Variants in AAR2 observed in about 807,000 individuals in gnomAD.
The protein encoded by AAR2 is AAR2 splicing factor.
Under a neutral mutation model 26.9 loss-of-function variants are expected in AAR2, and 31 were observed. That is an observed-to-expected ratio of 1.15 (90% confidence interval 0.86 to 1.55). The LOEUF (loss-of-function observed/expected upper bound fraction) is 1.55. Among genes scored for constraint, AAR2 ranks in the 40% most tolerant of loss-of-function variants. The pLI is 0.00. For missense variants in AAR2, 430 were observed against 491.3 expected, an observed-to-expected ratio of 0.88 and a Z score of 1.18; for synonymous variants, 188 against 196.1, an observed-to-expected ratio of 0.96 and a Z score of 0.34.
In AAR2 at chr20:36,244,734, G is replaced by T. The variant is rs2064716696; in HGVS notation, c.795G>T (p.Gly265=). 5 of 1,614,154 alleles carry T rather than the reference G, an allele frequency of 3.1e-6. No individual in the cohort carries two copies. The highest frequency in any genetic ancestry group is 2.2e-5 in the East Asian group (1 of 44,880). The change falls in exon 3 of 4, where the codon GGG becomes GGT. Residue 265 remains glycine, a synonymous_variant. Transcript: ENST00000320849. ...TTGCTTTTGTGTGCTTCCTGCTGGG[G>T]AATGTGTACGAGGCATTTGAGCATT... ...LQFAFVCFLL[G]NVYEAFEHWK...
Position 36,244,964 on chromosome 20 carries a change from G to A in AAR2, c.987+38G>A, listed in dbSNP as rs185526702. The A allele has an allele frequency of 1.6e-4, 250 of 1,559,458 alleles. 1 individual carries two copies. In the African/African-American group the frequency reaches 2.8e-3, roughly 18 times the overall value. Reference sequence around the variant, plus strand: ...TCTGACTGAGCTGATGCACATGTGGGTCAGAATTGAGGCAACAGTATGTGT... The same window carrying A: ...TCTGACTGAGCTGATGCACATGTGGATCAGAATTGAGGCAACAGTATGTGT... On this transcript the variant is annotated intron_variant, in intron 3 of 3. Coordinates refer to ENST00000320849, the MANE Select transcript of AAR2 (RefSeq NM_001271874.2).
At chr20:36,251,088 T>TA (rs1237368942) in intron 3 of AAR2, among the ~76,000 whole-genome samples, 1 of 151,942 alleles carries the variant, frequency 6.6e-6, no homozygotes, top group Non-Finnish European at 1.5e-5. Context: ...TCTCAACTAC[T>TA]GAGGAGGCCT....
chr20:36,239,748 A>T, intron 1 of AAR2, 73 bp from the exon 2 acceptor site: 1 of 1,193,594 alleles, frequency 8.4e-7, no homozygotes, highest in Non-Finnish European at 1.2e-6. Flanking sequence ...AATATCTGGC[A>T]CATACAGAAT....
At chr20:36,255,490 G>A in intron 3 of AAR2, 88 bp from the exon 4 acceptor site, 1 of 1,479,854 alleles carries the variant, frequency 6.8e-7, no homozygotes, top group Non-Finnish European at 9.3e-7. Flanking sequence ...CGCCCCAGAA[G>A]AGCCGAACAC....
At chr20:36,238,479 A>G (rs2064641630) in intron 1 of AAR2, among the ~76,000 whole-genome samples, 1 of 152,150 alleles carries the variant, frequency 6.6e-6, no homozygotes, top group Non-Finnish European at 1.5e-5. Flanking sequence ...AAACAGGGCC[A>G]GGCATGGTGG....
intron 3 of AAR2, among the ~76,000 whole-genome samples, chr20:36,248,257 C>T (rs1228814687): frequency 1.3e-5 from 2 of 152,052 alleles, no homozygotes; most frequent in Non-Finnish European, 2.9e-5. Flanking sequence ...AATATATTGT[C>T]TGCCTGACTC....
Position 36,256,060 on chromosome 20 carries a change from G to A in AAR2, c.*315G>A, listed in dbSNP as rs1345823139. On this transcript the variant is annotated 3_prime_UTR_variant, in exon 4 of 4. Transcript: ENST00000320849. ...CCTACACGGCAACCATATTTCCTCTGAATGAGAAGGAATTGAACCAAAAGT... is the reference window on the plus strand; with the variant it reads ...CCTACACGGCAACCATATTTCCTCTAAATGAGAAGGAATTGAACCAAAAGT... The A allele has an allele frequency of 2.3e-5, 6 of 257,154 alleles. No homozygotes were observed. The highest frequency in any genetic ancestry group is 4.4e-5 in the Non-Finnish European group (6 of 135,284). The allele number at this position is 257,154 out of a possible 1,614,324, so 15.9% of individuals were successfully genotyped here.
rs1259247471 is a variant in AAR2 at position 36,244,877 on chromosome 20, T to G, written c.938T>G (p.Phe313Cys). The G allele has an allele frequency of 6.2e-7, 1 of 1,614,068 alleles. No individual in the cohort carries two copies. Among genetic ancestry groups the G allele is most frequent in the African/African-American group, 1.3e-5 (1 of 74,922 alleles). Residue 313 changes from phenylalanine (F) to cysteine (C), a missense_variant, in exon 3 of 4, where the codon TTC becomes TGC. Coordinates refer to ENST00000320849, the MANE Select transcript of AAR2 (RefSeq NM_001271874.2). ...YHQLGEIPADFFVDIVSQDNF... is the reference protein window; with the variant it reads ...YHQLGEIPADCFVDIVSQDNF... ...CAGCTTGGTGAGATCCCCGCTGACT[T>G]CTTCGTAGACATTGTCTCCCAAGAC...
chr20:36,244,261 A>G (rs2064711747), intron 2 of AAR2, among the ~76,000 whole-genome samples: 1 of 152,196 alleles, frequency 6.6e-6, no homozygotes, highest in African/African-American at 2.4e-5. Flanking sequence ...AGAGCTACAG[A>G]TACGAAGGCC....
chr20:36,252,104 T>TG (rs1286342528), intron 3 of AAR2, among the ~76,000 whole-genome samples: 1 of 152,178 alleles, frequency 6.6e-6, no homozygotes, highest in African/African-American at 2.4e-5. Flanking sequence ...GGCACAGTGC[T>TG]GGGGAACAGG....
At chr20:36,247,839 A>G (rs1490420738) in intron 3 of AAR2, among the ~76,000 whole-genome samples, 1 of 152,216 alleles carries the variant, frequency 6.6e-6, no homozygotes, top group Non-Finnish European at 1.5e-5. Flanking sequence ...ACTACACTCC[A>G]GCCTGGGCAA....
At chr20:36,245,073 C>A in intron 3 of AAR2, 147 bp downstream of exon 3, 1 of 752,858 alleles carries the variant, frequency 1.3e-6, no homozygotes, top group Non-Finnish European at 2.2e-6. Flanking sequence ...TTTTCTCTCT[C>A]TTACTCAATT....
At chr20:36,248,733 G>C (rs556861463) in intron 3 of AAR2, among the ~76,000 whole-genome samples, 1 of 152,132 alleles carries the variant, frequency 6.6e-6, no homozygotes, top group African/African-American at 2.4e-5. Flanking sequence ...ATCAAAGGGC[G>C]TTAGGAGCAC....
intron 2 of AAR2, among the ~76,000 whole-genome samples, chr20:36,244,014 T>G (rs2147290542): frequency 6.6e-6 from 1 of 152,366 alleles, no homozygotes; most frequent in Middle Eastern, 3.4e-3. Context: ...TTTTCTTTTG[T>G]GGGAGGTTCC....
chr20:36,239,791 C>T (rs886693384), intron 1 of AAR2, 30 bp from the exon 2 acceptor site: 6 of 1,484,524 alleles, frequency 4.0e-6, no homozygotes, highest in Admixed American at 2.3e-5. Context: ...CCCCCACGTT[C>T]TGATTAACTC....
At position 36,240,099 on chromosome 20, in the gene AAR2, C is replaced by A; in HGVS notation, c.231C>A (p.Phe77Leu). 1 of 1,614,238 alleles carries A rather than the reference C, an allele frequency of 6.2e-7. No homozygotes were observed. The highest frequency in any genetic ancestry group is 1.1e-5 in the South Asian group (1 of 91,088). Residue 77 changes from phenylalanine to leucine, a missense_variant, in exon 2 of 4, where the codon TTC becomes TTA. Phe to Leu is a conservative substitution (Grantham distance 22). Transcript: ENST00000320849. ...NPKEVGPRMG[F>L]FLSLHQRGLT... is the part of the protein sequence containing the mutation. ...AGGAAGTAGGCCCTCGTATGGGTTT[C>A]TTCCTTAGCCTGCACCAGCGGGGGC...
At chr20:36,248,220 AT>A (rs1269805579) in intron 3 of AAR2, among the ~76,000 whole-genome samples, 1 of 151,832 alleles carries the variant, frequency 6.6e-6, no homozygotes, top group Non-Finnish European at 1.5e-5. Flanking sequence ...TCGCTATTAT[AT>A]TGCATGAGAT....
chr20:36,255,560 A>G lies in AAR2; in HGVS notation c.988-18A>G. ...CCCTCCGTCTTCTCAGGAGTGACTTATCCTCTGTTCTCTGTAGGTTTTCTT... is the reference window on the plus strand; with the variant it reads ...CCCTCCGTCTTCTCAGGAGTGACTTGTCCTCTGTTCTCTGTAGGTTTTCTT... On this transcript the variant is annotated intron_variant, in intron 3 of 3. Coordinates refer to ENST00000320849, the MANE Select transcript of AAR2 (RefSeq NM_001271874.2). 1.2e-6 allele frequency: 2 copies of G among 1,614,044 alleles called. No individual in the cohort carries two copies. The highest frequency in any genetic ancestry group is 2.2e-5 in the South Asian group (2 of 91,070).
intron 2 of AAR2, among the ~76,000 whole-genome samples, chr20:36,244,121 T>C (rs565201987): frequency 2.2e-4 from 34 of 152,210 alleles, no homozygotes; most frequent in Non-Finnish European, 5.0e-4. Context: ...CTTGACCTTA[T>C]CTATGAAATG....
Sources: gnomAD v4.1 joint callset for allele counts (sites outside exome capture counted in the v4.1 genomes callset) on GRCh38, gnomAD v4.1.1 for gene constraint, MANE v1.5 for transcripts, NCBI Gene and HGNC (gene_info 2026-07-23, HGNC 2026-07-21) for gene names.